POLA2: variants seen among roughly 807,000 people sequenced by gnomAD.
The protein encoded by POLA2 is DNA polymerase alpha subunit B.
POLA2 carries 47 observed loss-of-function variants against 82.8 expected under a neutral mutation model. That is an observed-to-expected ratio of 0.57 (90% CI 0.45 to 0.72). The LOEUF is 0.72. Among genes scored for constraint, POLA2 ranks in the 30% least tolerant of loss-of-function variants. The pLI is 0.00. For missense variants in POLA2, 634 were observed against 728.1 expected, an observed-to-expected ratio of 0.87 and a Z score of 1.49; for synonymous variants, 287 against 286.8, an observed-to-expected ratio of 1.00 and a Z score of -0.01.
exon 9 of POLA2, chr11:65,305,417 G>C (rs1468692748): frequency 8.8e-6 from 4 of 456,142 alleles, no homozygotes; most frequent in Admixed American, 2.4e-5. Context: ...GTGGAAACCA[G>C]GGGCTGGTGA....
chr11:65,292,003 CTG>C (rs1445112550), intron 13 of POLA2, among the ~76,000 whole-genome samples: 2 of 152,234 alleles, frequency 1.3e-5, no homozygotes, highest in Non-Finnish European at 2.9e-5. Context: ...CTTTAGGAGA[CTG>C]AGGCGGGCAG....
chr11:65,279,206 C>CAAG (rs1949614260), intron 6 of POLA2, among the ~76,000 whole-genome samples: 1 of 152,168 alleles, frequency 6.6e-6, no homozygotes, highest in Non-Finnish European at 1.5e-5. Context: ...ATGGTTCCTT[C>CAAG]GTTAGAAGCC....
chr11:65,281,013 CA>C lies in POLA2; in HGVS notation c.767del (p.Gln256ArgfsTer10). ...GTAGGAGCCTGTCACTCTGCTGGGCCAGATTGGCTGTGATAGCAACGGGAAG... is the reference window on the plus strand; with the variant it reads ...GTAGGAGCCTGTCACTCTGCTGGGCCGATTGGCTGTGATAGCAACGGGAAG... ...PAQEPVTLLG[Q>X]IGCDSNGKLN... On this transcript the variant is annotated frameshift_variant, in exon 8 of 18. Coordinates refer to ENST00000265465, the MANE Select transcript of POLA2 (RefSeq NM_002689.4). LOFTEE classifies it high-confidence loss of function. 1 of 1,613,918 alleles carries C rather than the reference CA, an allele frequency of 6.2e-7. No individual in the cohort carries two copies. Among genetic ancestry groups the C allele is most frequent in the Non-Finnish European group, 8.5e-7 (1 of 1,180,002 alleles).
intron 10 of POLA2, chr11:65,287,477 T>C (rs1949708960): frequency 2.8e-6 from 1 of 361,680 alleles, no homozygotes; most frequent in Non-Finnish European, 5.1e-6. Context: ...TGTGCACAGC[T>C]CATAAAGTTT....
exon 9 of POLA2, chr11:65,305,557 C>G: frequency 2.7e-6 from 1 of 368,930 alleles, no homozygotes; most frequent in Non-Finnish European, 5.3e-6. Context: ...GCCTGTAGTC[C>G]CAGCCACGCA....
chr11:65,270,645 A>G (rs757050010), intron 4 of POLA2, among the ~76,000 whole-genome samples: 3 of 151,950 alleles, frequency 2.0e-5, no homozygotes, highest in Admixed American at 6.6e-5. Context: ...CCCACATCCA[A>G]CTTAGCTACC....
intron 13 of POLA2, among the ~76,000 whole-genome samples, chr11:65,293,139 C>T (rs984090107): frequency 6.6e-6 from 1 of 152,124 alleles, no homozygotes; most frequent in Non-Finnish European, 1.5e-5. Context: ...GCATGACAAC[C>T]TGCTGAGAAA....
intron 8 of POLA2, 24 bp downstream of exon 8, chr11:65,281,171 G>C: frequency 6.2e-7 from 1 of 1,611,418 alleles, no homozygotes; most frequent in South Asian, 1.1e-5. Flanking sequence ...AGTTCCACCA[G>C]AATGCAGGCG....
chr11:65,272,772 G>T (rs1433091817), intron 4 of POLA2, among the ~76,000 whole-genome samples: 1 of 152,196 alleles, frequency 6.6e-6, no homozygotes. Context: ...AGCACTTTGG[G>T]AGGCTGAGAT....
At position 65,296,144 on chromosome 11, in the gene POLA2, G is replaced by A. The variant is rs1949809012; in HGVS notation, c.1647+154G>A. 4 of 771,508 alleles carry A rather than the reference G, an allele frequency of 5.2e-6. No individual in the cohort carries two copies. In the African/African-American group the frequency reaches 6.9e-5, roughly 13 times the overall value. 47.8% of individuals were successfully genotyped at this position (771,508 alleles called of 1,614,324 possible). A position where few individuals can be genotyped will look rare whatever the true frequency, so the allele number is the denominator to read the frequency against. ...GGCCTTGTTTCTTTGGGGAGGTGGTGGGACCAGAAAACAAACAACTCTGTC... is the reference window on the plus strand; with the variant it reads ...GGCCTTGTTTCTTTGGGGAGGTGGTAGGACCAGAAAACAAACAACTCTGTC... On this transcript the variant is annotated intron_variant, in intron 17 of 17. Coordinates refer to ENST00000265465, the MANE Select transcript of POLA2 (RefSeq NM_002689.4).
chr11:65,294,687 CTG>C, intron 15 of POLA2, 35 bp downstream of exon 15: 2 of 1,400,016 alleles, frequency 1.4e-6, no homozygotes, highest in Non-Finnish European at 2.0e-6. Context: ...AGCAGGATGA[CTG>C]GCTTTCTGGT....
chr11:65,266,760 A>T (rs1238670933), intron 2 of POLA2, 54 bp downstream of exon 2: 1 of 1,591,648 alleles, frequency 6.3e-7, no homozygotes. Flanking sequence ...TCTGCTCTAC[A>T]GGGGAGGCAT....
intron 3 of POLA2, among the ~76,000 whole-genome samples, chr11:65,267,833 C>T (rs190695730): frequency 5.1e-4 from 78 of 151,674 alleles, no homozygotes; most frequent in Admixed American, 4.3e-3. Flanking sequence ...CTCTTTTTGC[C>T]CAGGCTGAAG....
chr11:65,265,044 C>T (rs1486837808), intron 1 of POLA2, among the ~76,000 whole-genome samples: 1 of 152,302 alleles, frequency 6.6e-6, no homozygotes, highest in Non-Finnish European at 1.5e-5. Context: ...TCCTGGCCAA[C>T]GTGGTGAAAC....
chr11:65,275,721 G>T lies in POLA2; in HGVS notation c.355-171G>T, dbSNP rs530844544. 7.0e-4 allele frequency among the ~76,000 whole-genome samples: 106 copies of T among 152,304 alleles called. No homozygotes were observed. In the Middle Eastern group the frequency reaches 0.01, roughly 15 times the overall value. On this transcript the variant is annotated intron_variant, in intron 4 of 17. Coordinates refer to ENST00000265465, the MANE Select transcript of POLA2 (RefSeq NM_002689.4). ...CTGAATGTTGGTTACAGTTGTTGAA[G>T]ATTTCTTTTTGAGATTATGCTTGGA... is the stretch of plus-strand genomic sequence containing the variant.
intron 8 of POLA2, 98 bp downstream of exon 8, chr11:65,281,245 G>A: frequency 7.8e-7 from 1 of 1,286,314 alleles, no homozygotes. Flanking sequence ...TCCTGTCTCT[G>A]CTGCCATGGG....
At chr11:65,284,272 G>C (rs1949671627) in intron 10 of POLA2, among the ~76,000 whole-genome samples, 1 of 152,160 alleles carries the variant, frequency 6.6e-6, no homozygotes, top group East Asian at 1.9e-4. Context: ...CCCAGTTTAA[G>C]TTTAGCCTCC....
chr11:65,302,499 C>T (rs1454342251), downstream of POLA2, among the ~76,000 whole-genome samples: 2 of 152,152 alleles, frequency 1.3e-5, no homozygotes, highest in Middle Eastern at 3.2e-3. Context: ...CACCATCACT[C>T]CTGATTCCCA....
chr11:65,280,892 T>A, intron 7 of POLA2, 100 bp from the exon 8 acceptor site: 1 of 1,162,110 alleles, frequency 8.6e-7, no homozygotes, highest in South Asian at 1.4e-5. Flanking sequence ...GAAATGTATT[T>A]GTTGTTTGCA....
Sources: gnomAD v4.1 joint callset for allele counts (sites outside exome capture counted in the v4.1 genomes callset) on GRCh38, gnomAD v4.1.1 for gene constraint, MANE v1.5 for transcripts, NCBI Gene and HGNC (gene_info 2026-07-23, HGNC 2026-07-21) for gene names.